The following PDGFC variants were observed in gnomAD, a reference collection of about 807,000 sequenced individuals.
PDGFC encodes platelet derived growth factor C, also known as platelet-derived growth factor C.
A neutral mutation model predicts 35.5 loss-of-function variants in PDGFC; 12 were observed. The observed-to-expected ratio is 0.34, with a 90% confidence interval of 0.22 to 0.55. PDGFC has a LOEUF of 0.55. Among genes scored for constraint, PDGFC ranks in the 20% least tolerant of loss-of-function variants. The pLI is 0.91. For synonymous variants in PDGFC, 159 were observed against 148.8 expected, an observed-to-expected ratio of 1.07 and a Z score of -0.50; for missense variants, 322 against 412.4, an observed-to-expected ratio of 0.78 and a Z score of 1.90.
At chr4:156,775,924 A>G (rs76692041) in intron 3 of PDGFC, among the ~76,000 whole-genome samples, 4,367 of 152,280 alleles carry the variant, frequency 0.029, 174 homozygotes, top group South Asian at 0.17. Context: ...AAGAATGAAC[A>G]TAAGTTCCCA....
chr4:156,927,096 G>A (rs1404174324), intron 1 of PDGFC, among the ~76,000 whole-genome samples: 2 of 152,180 alleles, frequency 1.3e-5, no homozygotes, highest in Admixed American at 6.5e-5. Context: ...TGCACCTTCT[G>A]AAACCATGGG....
chr4:156,898,469 C>T (rs886688723), intron 1 of PDGFC, among the ~76,000 whole-genome samples: 15 of 152,122 alleles, frequency 9.9e-5, no homozygotes, highest in Non-Finnish European at 2.1e-4. Flanking sequence ...TTGGTATGGA[C>T]AAGCCTTCCA....
chr4:156,783,846 T>A (rs1294092349), intron 3 of PDGFC, among the ~76,000 whole-genome samples: 1 of 152,022 alleles, frequency 6.6e-6, no homozygotes. Flanking sequence ...GGAAAACAAA[T>A]GAAAAGAAGG....
At chr4:156,912,517 C>T (rs1731061898) in intron 1 of PDGFC, among the ~76,000 whole-genome samples, 1 of 152,152 alleles carries the variant, frequency 6.6e-6, no homozygotes, top group Non-Finnish European at 1.5e-5. Flanking sequence ...TTCCTATCTT[C>T]CTTCCTTTCT....
intron 3 of PDGFC, among the ~76,000 whole-genome samples, chr4:156,801,777 T>C (rs920113593): frequency 1.3e-5 from 2 of 152,182 alleles, no homozygotes; most frequent in Non-Finnish European, 2.9e-5. Flanking sequence ...TAAAGGTGTC[T>C]GTAAAATGCA....
rs991580050 is a variant in PDGFC at position 156,760,724 on chromosome 4, T to C, written c.*2366A>G. On this transcript the variant is annotated 3_prime_UTR_variant, in exon 6 of 6. Transcript: ENST00000502773. ...TGGTAACCACTCACCGACTGGCAAC[T>C]GAGGACTGCTACCCTTATGATCTCT... 1 of 152,150 alleles carries C rather than the reference T, an allele frequency of 6.6e-6. No individual in the cohort carries two copies. Among genetic ancestry groups the C allele is most frequent in the Non-Finnish European group, 1.5e-5 (1 of 68,014 alleles). The allele number at this position is 152,150 out of a possible 1,614,324, so 9.4% of individuals were successfully genotyped here. A position where few individuals can be genotyped will look rare whatever the true frequency, so the allele number is the denominator to read the frequency against.
Position 156,822,356 on chromosome 4 carries a change from C to CAAA in PDGFC, c.315-11342_315-11340dup, listed in dbSNP as rs397878245. The stretch of plus-strand genomic sequence containing the variant: ...CCTGGGAGACGGAGTGAAACTGTCT[C>CAAA]AAAAAAAAAAAAAAAAAAAAAGTGC... On this transcript the variant is annotated intron_variant, in intron 2 of 5. Transcript: ENST00000502773. Among the ~76,000 whole-genome samples, 192 of 70,260 alleles carry CAAA rather than the reference C, an allele frequency of 2.7e-3. 8 individuals carry two copies. Among genetic ancestry groups the CAAA allele is most frequent in the African/African-American group, 5.3e-3 (131 of 24,784 alleles). 46.1% of individuals were successfully genotyped at this position (70,260 alleles called of 152,430 possible). A position where few individuals can be genotyped will look rare whatever the true frequency, so the allele number is the denominator to read the frequency against.
At chr4:156,865,207 C>CACACACAT (rs1489180285) in intron 1 of PDGFC, among the ~76,000 whole-genome samples, 1 of 151,820 alleles carries the variant, frequency 6.6e-6, no homozygotes, top group African/African-American at 2.4e-5. Context: ...CACACACACA[C>CACACACAT]ACACACGCAG....
chr4:156,961,862 C>T (rs544041792), intron 1 of PDGFC, among the ~76,000 whole-genome samples: 1 of 152,202 alleles, frequency 6.6e-6, no homozygotes, highest in Non-Finnish European at 1.5e-5. Flanking sequence ...TCTTTGTTTA[C>T]ATAAAGAAGG....
intron 2 of PDGFC, among the ~76,000 whole-genome samples, chr4:156,838,413 G>T (rs1729117974): frequency 6.6e-6 from 1 of 152,168 alleles, no homozygotes; most frequent in South Asian, 2.1e-4. Flanking sequence ...TCCAAACCAG[G>T]CCAATCACAA....
At chr4:156,857,734 A>C (rs980227842) in intron 1 of PDGFC, among the ~76,000 whole-genome samples, 3 of 152,134 alleles carry the variant, frequency 2.0e-5, no homozygotes, top group African/African-American at 7.2e-5. Flanking sequence ...AAGCCCATTC[A>C]GATAGGCCAA....
intron 1 of PDGFC, among the ~76,000 whole-genome samples, chr4:156,931,554 T>C (rs1452974644): frequency 6.6e-6 from 1 of 152,272 alleles, no homozygotes; most frequent in East Asian, 1.9e-4. Context: ...TTCAAGAGCA[T>C]CACACCTTAA....
intron 1 of PDGFC, among the ~76,000 whole-genome samples, chr4:156,877,858 T>C (rs939739315): frequency 1.3e-5 from 2 of 152,140 alleles, no homozygotes; most frequent in Non-Finnish European, 2.9e-5. Context: ...CTATTCACTC[T>C]TTAGGTCTCA....
At chr4:156,845,196 G>T (rs140118021) in intron 2 of PDGFC, among the ~76,000 whole-genome samples, 1 of 151,558 alleles carries the variant, frequency 6.6e-6, no homozygotes, top group African/African-American at 2.4e-5. Flanking sequence ...GAACTGGACC[G>T]AAAATAAAAT....
At chr4:156,908,120 C>T (rs1279081664) in intron 1 of PDGFC, among the ~76,000 whole-genome samples, 1 of 152,028 alleles carries the variant, frequency 6.6e-6, no homozygotes, top group Non-Finnish European at 1.5e-5. Flanking sequence ...GAGCCGAGAT[C>T]GTGCCACTGC....
intron 1 of PDGFC, among the ~76,000 whole-genome samples, chr4:156,907,957 AG>A (rs1730955217): frequency 6.6e-6 from 1 of 152,174 alleles, no homozygotes; most frequent in Non-Finnish European, 1.5e-5. Context: ...TCACAAGATC[AG>A]GAGTTAAAGA....
At chr4:156,958,982 T>C (rs1031520589) in intron 1 of PDGFC, among the ~76,000 whole-genome samples, 2 of 152,080 alleles carry the variant, frequency 1.3e-5, no homozygotes, top group Admixed American at 1.3e-4. Flanking sequence ...TACATAGTTG[T>C]AGTTATGAGT....
At chr4:156,945,373 A>G (rs1731920261) in intron 1 of PDGFC, among the ~76,000 whole-genome samples, 1 of 121,006 alleles carries the variant, frequency 8.3e-6, no homozygotes, top group South Asian at 2.7e-4. Context: ...ATATATATAT[A>G]TATATATATA....
chr4:156,964,485 G>GAT (rs565587983), intron 1 of PDGFC, among the ~76,000 whole-genome samples: 10 of 148,692 alleles, frequency 6.7e-5, no homozygotes, highest in East Asian at 3.9e-4. Context: ...TATATATAGT[G>GAT]ATATATATAT....
Sources: gnomAD v4.1 joint callset for allele counts (sites outside exome capture counted in the v4.1 genomes callset) on GRCh38, gnomAD v4.1.1 for gene constraint, MANE v1.5 for transcripts, NCBI Gene and HGNC (gene_info 2026-07-23, HGNC 2026-07-21) for gene names.